Variants in MLLT10 observed in about 807,000 individuals in gnomAD.
MLLT10 encodes protein AF-10.
In MLLT10, 30 loss-of-function variants were observed where a neutral mutation model predicts 129.1. The ratio of observed to expected loss-of-function variants is 0.23; its 90% CI spans 0.17 to 0.32. The LOEUF is 0.32. Ranked by LOEUF, MLLT10 falls within the 10% of genes least tolerant of loss-of-function variation. The pLI, the probability that MLLT10 is intolerant of heterozygous loss-of-function variation, is 1.00. For synonymous variants in MLLT10, 490 were observed against 446.4 expected, an observed-to-expected ratio of 1.10 and a Z score of -1.23; for missense variants, 1,119 against 1,268.3, an observed-to-expected ratio of 0.88 and a Z score of 1.79.
intron 8 of MLLT10, among the ~76,000 whole-genome samples, chr10:21,637,345 CATAGAGCCCCTGTT>C (rs571504021): frequency 8.5e-5 from 13 of 152,264 alleles, no homozygotes; most frequent in African/African-American, 2.9e-4. Flanking sequence ...AAGTGAGTGT[CATAGAGCCCCTGTT>C]ATTTAAAGAG....
intron 3 of MLLT10, chr10:21,556,970 TTC>T: frequency 6.6e-7 from 1 of 1,525,428 alleles, no homozygotes; most frequent in Non-Finnish European, 8.8e-7. Flanking sequence ...CTACTTGTGT[TTC>T]TGATGTGGTC....
At position 21,713,875 on chromosome 10, in the gene MLLT10, T is replaced by C. The variant is rs780206129; in HGVS notation, c.1803T>C (p.Ser601=). ...VSSSHLPQQS[S]GHLQQVGALS... ...GCTCTCACTTACCTCAGCAGTCTTC[T>C]GGGCATTTGCAACAAGTAGGAGCGC... Residue 601 remains serine (S), a synonymous_variant, in exon 14 of 23, where the codon TCT becomes TCC. Transcript: ENST00000307729. 5.6e-6 allele frequency: 9 copies of C among 1,614,146 alleles called. No homozygotes were observed. Among genetic ancestry groups the C allele is most frequent in the East Asian group, 2.2e-5 (1 of 44,870 alleles).
At chr10:21,648,085 G>C (rs1285287877) in intron 8 of MLLT10, among the ~76,000 whole-genome samples, 1 of 151,838 alleles carries the variant, frequency 6.6e-6, no homozygotes, top group Admixed American at 6.6e-5. Context: ...TTTAGTCTTT[G>C]CCTTCTGATT....
chr10:21,575,049 A>G (rs1339853869), intron 3 of MLLT10, among the ~76,000 whole-genome samples: 1 of 152,112 alleles, frequency 6.6e-6, no homozygotes, highest in East Asian at 1.9e-4. Context: ...CAAAAGGACC[A>G]ACTTTGACTT....
At chr10:21,683,795 G>A (rs770831640) in intron 13 of MLLT10, among the ~76,000 whole-genome samples, 2 of 150,738 alleles carry the variant, frequency 1.3e-5, no homozygotes, top group African/African-American at 2.4e-5. Flanking sequence ...TGCCCAGGTT[G>A]GAGTGCAGTG....
At chr10:21,560,373 A>G (rs776546798) in intron 3 of MLLT10, among the ~76,000 whole-genome samples, 25 of 152,284 alleles carry the variant, frequency 1.6e-4, no homozygotes, top group Non-Finnish European at 3.1e-4. Flanking sequence ...CCAACAATGC[A>G]TGAAGGTTCA....
At chr10:21,632,542 A>G (rs2047097139) in intron 8 of MLLT10, among the ~76,000 whole-genome samples, 1 of 152,218 alleles carries the variant, frequency 6.6e-6, no homozygotes, top group South Asian at 2.1e-4. Flanking sequence ...ATAAATGTTT[A>G]CAAAGCGTCT....
At chr10:21,702,039 G>A (rs1399768697) in intron 13 of MLLT10, among the ~76,000 whole-genome samples, 1 of 151,958 alleles carries the variant, frequency 6.6e-6, no homozygotes, top group Admixed American at 6.6e-5. Flanking sequence ...TGATTCTCCT[G>A]CCTCAGCCTC....
intron 13 of MLLT10, among the ~76,000 whole-genome samples, chr10:21,704,555 A>G (rs1674537461): frequency 6.7e-6 from 1 of 149,874 alleles, no homozygotes. Context: ...AAAACTTTTT[A>G]ATGGTATGTG....
intron 13 of MLLT10, chr10:21,708,553 C>G: frequency 3.1e-6 from 3 of 982,856 alleles, no homozygotes; most frequent in Non-Finnish European, 3.6e-6. Flanking sequence ...ACATTTTGCT[C>G]TGTTTTTTTT....
chr10:21,681,522 A>G, intron 12 of MLLT10, 146 bp downstream of exon 12: 1 of 598,302 alleles, frequency 1.7e-6, no homozygotes, highest in Non-Finnish European at 2.9e-6. Flanking sequence ...TCTCCTGCAA[A>G]GATAATGTAC....
At chr10:21,642,296 G>C (rs1035086737) in intron 8 of MLLT10, among the ~76,000 whole-genome samples, 1 of 152,178 alleles carries the variant, frequency 6.6e-6, no homozygotes, top group Non-Finnish European at 1.5e-5. Flanking sequence ...AGGTTGCAGT[G>C]AGCTGAAATC....
rs560331900 is a variant in MLLT10, at chr10:21,673,147, A to G, written c.1052-203A>G. Among the ~76,000 whole-genome samples, 94 of 152,266 alleles carry G rather than the reference A, an allele frequency of 6.2e-4. 2 individuals are homozygous for G. The highest frequency in any genetic ancestry group is 6.8e-3 in the Middle Eastern group (2 of 294). On this transcript the variant is annotated intron_variant, in intron 10 of 22. Transcript: ENST00000307729. ...GTAAACATTTAATACCATCTATAAA[A>G]TGACACATGTTTTTAAAGGTAATTT...
At chr10:21,701,579 GTTA>G (rs2054917660) in intron 13 of MLLT10, among the ~76,000 whole-genome samples, 1 of 151,882 alleles carries the variant, frequency 6.6e-6, no homozygotes, top group African/African-American at 2.4e-5. Context: ...GGTGGATTGT[GTTA>G]TTAAAAATAT....
chr10:21,686,867 T>C (rs113436788), intron 13 of MLLT10, among the ~76,000 whole-genome samples: 5 of 152,062 alleles, frequency 3.3e-5, no homozygotes, highest in African/African-American at 1.2e-4. Context: ...CTGTAATCCC[T>C]GCTACTTGGG....
At chr10:21,695,061 C>CTTTTTTTTTTTTTTTT (rs71393922) in intron 13 of MLLT10, among the ~76,000 whole-genome samples, 2 of 104,034 alleles carry the variant, frequency 1.9e-5, no homozygotes, top group African/African-American at 3.7e-5. Flanking sequence ...TTTCTACCTT[C>CTTTTTTTTTTTTTTTT]TTTTTTTTTT....
rs2057910706 is a variant in MLLT10, at chr10:21,730,837, T to C, written c.2064-63T>C. 3.8e-6 allele frequency: 6 copies of C among 1,589,380 alleles called. No homozygotes were observed. The South Asian group carries it at 6.6e-5, about 18-fold the overall frequency. Reference sequence around the variant, plus strand: ...CAGGAGAAAAGGGGTCAGCTTAAGGTAAGAAACTGTACTCTCTTAAAAGCA... The same window carrying C: ...CAGGAGAAAAGGGGTCAGCTTAAGGCAAGAAACTGTACTCTCTTAAAAGCA... On this transcript the variant is annotated intron_variant, in intron 16 of 22. Coordinates refer to ENST00000307729, the MANE Select transcript of MLLT10 (RefSeq NM_001195626.3).
intron 3 of MLLT10, among the ~76,000 whole-genome samples, chr10:21,541,812 C>T (rs1359043680): frequency 6.6e-6 from 1 of 152,136 alleles, no homozygotes; most frequent in African/African-American, 2.4e-5. Flanking sequence ...CCGTGCCCGG[C>T]CAGAGCAATT....
chr10:21,555,465 C>T (rs914555976), intron 3 of MLLT10, among the ~76,000 whole-genome samples: 2 of 152,012 alleles, frequency 1.3e-5, no homozygotes, highest in African/African-American at 4.8e-5. Context: ...TCAGGTGATC[C>T]ACCCTCCTCC....
Sources: gnomAD v4.1 joint callset for allele counts (sites outside exome capture counted in the v4.1 genomes callset) on GRCh38, gnomAD v4.1.1 for gene constraint, MANE v1.5 for transcripts, NCBI Gene and HGNC (gene_info 2026-07-23, HGNC 2026-07-21) for gene names.